Variants in CHD9 observed in about 807,000 individuals in gnomAD.
CHD9 encodes chromodomain helicase DNA binding protein 9.
CHD9 carries 77 observed loss-of-function variants against 316.1 expected under a neutral mutation model. That is an observed-to-expected ratio of 0.24 (90% CI 0.20 to 0.29). The LOEUF (loss-of-function observed/expected upper bound fraction) is 0.29. Among genes scored for constraint, CHD9 ranks in the 10% least tolerant of loss-of-function variants. The probability of loss-of-function intolerance (pLI) is 1.00; values close to 1 mark genes in which losing one functional copy is unlikely to be tolerated. For synonymous variants in CHD9, 1,129 were observed against 1,158.3 expected (o/e 0.97, Z 0.51); for missense variants, 2,763 against 3,438.1 (o/e 0.80, Z 4.91).
intron 13 of CHD9, among the ~76,000 whole-genome samples, chr16:53,244,862 C>T (rs985580186): frequency 2.0e-5 from 3 of 152,088 alleles, no homozygotes; most frequent in Admixed American, 6.6e-5. Context: ...GGTACCGTGG[C>T]TCACACCTGT....
Position 53,157,353 on chromosome 16 carries a change from A to G in CHD9, c.1264A>G (p.Thr422Ala), listed in dbSNP as rs766390511. The change falls in exon 2 of 39, where the codon ACA becomes GCA. Residue 422 changes from threonine to alanine, a missense_variant. Around this residue, in one of 15 missense-constraint regions of CHD9, gnomAD observed 859 missense variants for 890.4 expected, o/e 0.96. Transcript: ENST00000447540. Reference sequence around the variant, plus strand: ...TCTTCTTCCTCACTTTGATGAGTCAACATTCGGACAAGATAATTCAAGTCA... The same window carrying G: ...TCTTCTTCCTCACTTTGATGAGTCAGCATTCGGACAAGATAATTCAAGTCA... Reference protein sequence around the residue: ...EGLLPHFDESTFGQDNSSHIL... With the variant: ...EGLLPHFDESAFGQDNSSHIL... 3.1e-6 allele frequency: 5 copies of G among 1,613,858 alleles called. No individual in the cohort carries two copies. The highest frequency in any genetic ancestry group is 4.5e-5 in the East Asian group (2 of 44,896).
intron 19 of CHD9, among the ~76,000 whole-genome samples, chr16:53,260,858 T>C (rs1419649264): frequency 6.6e-6 from 1 of 152,184 alleles, no homozygotes; most frequent in Non-Finnish European, 1.5e-5. Flanking sequence ...TGTAAGAACA[T>C]TTATAATTAC....
chr16:53,094,503 C>A (rs980301160), intron 1 of CHD9, among the ~76,000 whole-genome samples: 3 of 152,194 alleles, frequency 2.0e-5, no homozygotes, highest in Admixed American at 6.5e-5. Flanking sequence ...CCTGCAACAG[C>A]AGTGCATAAC....
intron 3 of CHD9, among the ~76,000 whole-genome samples, chr16:53,217,381 G>A (rs1597473469): frequency 6.6e-6 from 1 of 152,264 alleles, no homozygotes; most frequent in East Asian, 1.9e-4. Context: ...AGCCTCCCAA[G>A]TAGCTGGGAT....
At chr16:53,177,561 A>C (rs2043174427) in intron 2 of CHD9, among the ~76,000 whole-genome samples, 2 of 152,210 alleles carry the variant, frequency 1.3e-5, no homozygotes, top group African/African-American at 4.8e-5. Flanking sequence ...TAGAGTCTAC[A>C]TAGCCTTTTA....
intron 1 of CHD9, among the ~76,000 whole-genome samples, chr16:53,095,382 CA>C (rs1157184516): frequency 6.6e-6 from 1 of 151,390 alleles, no homozygotes; most frequent in Non-Finnish European, 1.5e-5. Flanking sequence ...CCTGTCTCTA[CA>C]AAAAAATTTT....
rs180742850 is a variant in CHD9, at chr16:53,124,403, C to T, written c.-164-31523C>T. The stretch of plus-strand genomic sequence containing the variant: ...AAGTCACATCTTACATGGTGGCAGG[C>T]GAGAGAGAGAGCATGTGTTGGGGAA... On this transcript the variant is annotated intron_variant, in intron 1 of 38. Coordinates refer to ENST00000447540, the MANE Select transcript of CHD9 (RefSeq NM_001308319.2). Among the ~76,000 whole-genome samples the T allele has an allele frequency of 3.0e-3, 451 of 148,938 alleles. 1 individual carries two copies. Among genetic ancestry groups the T allele is most frequent in the Middle Eastern group, 0.018 (5 of 282 alleles).
intron 1 of CHD9, among the ~76,000 whole-genome samples, chr16:53,094,931 G>A (rs1356034091): frequency 4.6e-5 from 7 of 152,140 alleles, no homozygotes; most frequent in East Asian, 1.9e-4. Context: ...GAGCCACCGC[G>A]CCCGGCCTTG....
chr16:53,300,157 G>A (rs933281195), intron 30 of CHD9, among the ~76,000 whole-genome samples: 1 of 152,112 alleles, frequency 6.6e-6, no homozygotes, highest in Non-Finnish European at 1.5e-5. Flanking sequence ...TTCGAGACCA[G>A]CCTGGCCAAC....
At chr16:53,162,624 CTCAT>C (rs2041992993) in intron 2 of CHD9, among the ~76,000 whole-genome samples, 3 of 90,910 alleles carry the variant, frequency 3.3e-5, no homozygotes, top group Non-Finnish European at 5.8e-5. Flanking sequence ...TTAAGATATA[CTCAT>C]ACATAATGTT....
rs532820680 is a variant in CHD9 at position 53,195,306 on chromosome 16, A to G, written c.1453-14176A>G. ...TAGTTTTGCATGTTATTGAACTTTA[A>G]TTATGTTGGACATATACCCAAGATT... On this transcript the variant is annotated intron_variant, in intron 2 of 38. Coordinates refer to ENST00000447540, the MANE Select transcript of CHD9 (RefSeq NM_001308319.2). Among the ~76,000 whole-genome samples the G allele has an allele frequency of 3.9e-5, 6 of 152,346 alleles. No homozygotes were observed. The South Asian group carries it at 1.2e-3, about 32-fold the overall frequency.
intron 1 of CHD9, among the ~76,000 whole-genome samples, chr16:53,144,663 G>A (rs1019617034): frequency 6.6e-6 from 1 of 151,826 alleles, no homozygotes; most frequent in Non-Finnish European, 1.5e-5. Context: ...CGAGTAGCTG[G>A]GACTACAGGC....
chr16:53,289,252 TA>T (rs972011313), intron 27 of CHD9, among the ~76,000 whole-genome samples: 59 of 152,220 alleles, frequency 3.9e-4, no homozygotes, highest in African/African-American at 1.2e-3. Context: ...AGATGATATT[TA>T]ACTTTAAAAG....
At chr16:53,319,953 T>A in intron 37 of CHD9, 1 of 562,476 alleles carries the variant, frequency 1.8e-6, no homozygotes, top group Non-Finnish European at 2.4e-6. Context: ...AGAGACTAAG[T>A]AAATATACTT....
intron 1 of CHD9, among the ~76,000 whole-genome samples, chr16:53,084,611 T>C: frequency 6.6e-6 from 1 of 152,022 alleles, no homozygotes; most frequent in Non-Finnish European, 1.5e-5. Flanking sequence ...GGCGTGGTGG[T>C]AGGCGCCTGT....
Position 53,247,483 on chromosome 16 carries a change from G to A in CHD9, c.3645G>A (p.Glu1215=), listed in dbSNP as rs1333048275. 11 of 1,600,762 alleles carry A rather than the reference G, an allele frequency of 6.9e-6. 1 individual carries two copies. The highest frequency in any genetic ancestry group is 4.5e-5 in the East Asian group (2 of 44,628). ...TGGTTCGTTGCCTTGACATTCTGGAGGACTATCTCATACATAAAAGGTAAA... is the reference window on the plus strand; with the variant it reads ...TGGTTCGTTGCCTTGACATTCTGGAAGACTATCTCATACATAAAAGGTAAA... ...SQMVRCLDIL[E]DYLIHKRYLY... The change falls in exon 16 of 39, where the codon GAG becomes GAA. Residue 1215 remains glutamate (E), a synonymous_variant. Transcript: ENST00000447540.
chr16:53,255,898 G>C, intron 19 of CHD9, 119 bp downstream of exon 19: 1 of 888,190 alleles, frequency 1.1e-6, no homozygotes, highest in African/African-American at 1.7e-5. Flanking sequence ...AGATGCAGTA[G>C]GTAATGTATT....
intron 12 of CHD9, among the ~76,000 whole-genome samples, chr16:53,239,758 C>T (rs559801314): frequency 5.3e-5 from 8 of 152,076 alleles, no homozygotes; most frequent in African/African-American, 7.2e-5. Context: ...AGTTTGAGGC[C>T]GCAGTGAGCT....
intron 24 of CHD9, among the ~76,000 whole-genome samples, chr16:53,284,009 G>A (rs1209041221): frequency 1.3e-5 from 2 of 151,630 alleles, no homozygotes; most frequent in African/African-American, 2.4e-5. Context: ...TTACATACTG[G>A]GTTCTTGTCC....
Sources: allele counts gnomAD v4.1 joint callset (sites outside exome capture counted in the v4.1 genomes callset), GRCh38; gene constraint gnomAD v4.1.1; regional missense constraint gnomAD v4.1.1; transcripts MANE v1.5; gene names NCBI Gene and HGNC (gene_info 2026-07-23, HGNC 2026-07-21).